The following SLIT3 variants were observed in gnomAD, a reference collection of about 807,000 sequenced individuals.
SLIT3 encodes the protein slit homolog 3 protein.
In SLIT3, 68 loss-of-function variants were observed where a neutral mutation model predicts 184.0. The observed-to-expected ratio is 0.37, with a 90% CI of 0.30 to 0.45. SLIT3 has a LOEUF of 0.45. Among genes scored for constraint, SLIT3 ranks in the 20% least tolerant of loss-of-function variants. SLIT3 has a pLI of 1.00. For missense variants in SLIT3, 1,707 were observed against 2,026.0 expected, an observed-to-expected ratio of 0.84 and a Z score of 3.02; for synonymous variants, 831 against 828.6, an observed-to-expected ratio of 1.00 and a Z score of -0.05.
intron 6 of SLIT3, among the ~76,000 whole-genome samples, chr5:168,844,283 A>G (rs1013484711): frequency 6.6e-6 from 1 of 152,090 alleles, no homozygotes; most frequent in Non-Finnish European, 1.5e-5. Flanking sequence ...TGTTTCTCCC[A>G]GCAACGAATG....
chr5:169,241,343 G>T (rs1488248846), intron 3 of SLIT3, among the ~76,000 whole-genome samples: 1 of 152,148 alleles, frequency 6.6e-6, no homozygotes, highest in Non-Finnish European at 1.5e-5. Flanking sequence ...ACATGAGATG[G>T]TATATGTAAA....
intron 4 of SLIT3, among the ~76,000 whole-genome samples, chr5:169,037,089 C>G (rs1404438603): frequency 6.6e-6 from 1 of 152,026 alleles, no homozygotes; most frequent in African/African-American, 2.4e-5. Context: ...TCTCTCTCCA[C>G]TCAGCCCCCA....
intron 4 of SLIT3, among the ~76,000 whole-genome samples, chr5:169,105,326 T>C (rs1454966269): frequency 6.6e-6 from 1 of 152,234 alleles, no homozygotes. Flanking sequence ...AATGCACATA[T>C]ATGTACATGC....
At chr5:169,095,597 T>C (rs1435417310) in intron 4 of SLIT3, among the ~76,000 whole-genome samples, 1 of 152,186 alleles carries the variant, frequency 6.6e-6, no homozygotes, top group African/African-American at 2.4e-5. Context: ...CTGCCATCTC[T>C]CTCTGGAGTG....
intron 12 of SLIT3, among the ~76,000 whole-genome samples, chr5:168,785,136 T>C (rs1215341850): frequency 7.6e-6 from 1 of 131,746 alleles, no homozygotes; most frequent in Non-Finnish European, 1.7e-5. Context: ...TGCACATGCA[T>C]GCACACACAC....
At chr5:169,246,878 C>T (rs1439266763) in intron 2 of SLIT3, among the ~76,000 whole-genome samples, 1 of 141,548 alleles carries the variant, frequency 7.1e-6, no homozygotes, top group East Asian at 2.2e-4. Flanking sequence ...AAGATCGTAC[C>T]ACTGCACTAC....
intron 3 of SLIT3, among the ~76,000 whole-genome samples, chr5:169,223,651 T>C (rs1173678486): frequency 2.0e-5 from 3 of 152,354 alleles, no homozygotes; most frequent in Middle Eastern, 3.4e-3. Context: ...ATACATAGCC[T>C]GTCTTTTATT....
chr5:168,949,754 C>A (rs1762593212), intron 4 of SLIT3, among the ~76,000 whole-genome samples: 1 of 152,094 alleles, frequency 6.6e-6, no homozygotes, highest in African/African-American at 2.4e-5. Context: ...CACACGCCAC[C>A]ACACCCAGCT....
At chr5:169,188,427 C>T (rs925805090) in intron 4 of SLIT3, among the ~76,000 whole-genome samples, 1 of 152,142 alleles carries the variant, frequency 6.6e-6, no homozygotes, top group Non-Finnish European at 1.5e-5. Flanking sequence ...AAATTAATAG[C>T]CCATAGGCCA....
rs149381451 is a variant in SLIT3, at chr5:168,737,897, G to T, written c.2270+10405C>A. Among the ~76,000 whole-genome samples, 701 of 152,320 alleles carry T rather than the reference G, an allele frequency of 4.6e-3. 5 individuals are homozygous for T. Among genetic ancestry groups the T allele is most frequent in the African/African-American group, 0.016 (663 of 41,558 alleles). ...AAAGGACAGTTGCATGGCAATAATT[G>T]TACTTTCTGAAGGCAGTGAGGCCCT... On this transcript the variant is annotated intron_variant, in intron 20 of 35. Coordinates refer to ENST00000519560, the MANE Select transcript of SLIT3 (RefSeq NM_003062.4).
intron 6 of SLIT3, among the ~76,000 whole-genome samples, chr5:168,844,207 G>A (rs1011636949): frequency 2.0e-5 from 3 of 152,086 alleles, no homozygotes; most frequent in Admixed American, 2.0e-4. Flanking sequence ...CTCCCAGTGT[G>A]CCCGCACTCA....
chr5:168,927,897 A>G (rs1051487073), intron 4 of SLIT3, among the ~76,000 whole-genome samples: 1 of 152,220 alleles, frequency 6.6e-6, no homozygotes, highest in Admixed American at 6.5e-5. Flanking sequence ...AGCCAGTTCA[A>G]ATGTCATTTC....
chr5:168,674,465 A>AATGTTTTG lies in SLIT3; in HGVS notation c.3687-1142_3687-1135dup, dbSNP rs1227986515. On this transcript the variant is annotated intron_variant, in intron 32 of 35. Coordinates refer to ENST00000519560, the MANE Select transcript of SLIT3 (RefSeq NM_003062.4). Reference sequence around the variant, plus strand: ...CAAGTATTCAACACTTTGGGTCCCAAATGTTTTGGTTATGGGATATTCACT... The same window carrying AATGTTTTG: ...CAAGTATTCAACACTTTGGGTCCCAAATGTTTTGATGTTTTGGTTATGGGATATTCACT... Among the ~76,000 whole-genome samples the AATGTTTTG allele has an allele frequency of 4.0e-5, 6 of 151,376 alleles. No homozygotes were observed. In the East Asian group the frequency reaches 1.2e-3, roughly 29 times the overall value.
At position 168,671,456 on chromosome 5, in the gene SLIT3, G is replaced by A. The variant is rs752054931; in HGVS notation, c.3869C>T (p.Ala1290Val). ...AGGCCGGTCCGTGCCCTGGCGCAAG[G>A]CAGAGAGGCCGGTGGAGGTGGGGAT... ...GGIPTSTGLSALRQGTDRPLG... is the reference protein window; with the variant it reads ...GGIPTSTGLSVLRQGTDRPLG... Residue 1290 changes from alanine to valine, a missense_variant, in exon 34 of 36, where the codon GCC becomes GTC. Around this residue, in one of 3 missense-constraint regions of SLIT3, gnomAD observed 387 missense variants for 477.9 expected, o/e 0.81. Coordinates refer to ENST00000519560, the MANE Select transcript of SLIT3 (RefSeq NM_003062.4). The A allele has an allele frequency of 6.2e-7, 1 of 1,612,838 alleles. No homozygotes were observed. The highest frequency in any genetic ancestry group is 8.5e-7 in the Non-Finnish European group (1 of 1,179,668).
intron 4 of SLIT3, among the ~76,000 whole-genome samples, chr5:169,040,865 G>T (rs185107903): frequency 9.9e-5 from 15 of 152,224 alleles, no homozygotes; most frequent in Admixed American, 3.9e-4. Flanking sequence ...CATAAACAGC[G>T]GCAATCTTTC....
At chr5:168,828,298 G>A (rs1012195432) in intron 6 of SLIT3, among the ~76,000 whole-genome samples, 2 of 152,028 alleles carry the variant, frequency 1.3e-5, no homozygotes, top group Admixed American at 6.6e-5. Flanking sequence ...AATCCACCTT[G>A]GGTTGTGCAT....
intron 1 of SLIT3, among the ~76,000 whole-genome samples, chr5:169,261,782 T>C (rs1396644355): frequency 6.6e-6 from 1 of 152,192 alleles, no homozygotes; most frequent in African/African-American, 2.4e-5. Context: ...GACCTGCTTC[T>C]AACCCATGCA....
intron 4 of SLIT3, among the ~76,000 whole-genome samples, chr5:169,057,124 G>A (rs189380730): frequency 1.3e-5 from 2 of 152,318 alleles, no homozygotes; most frequent in Non-Finnish European, 2.9e-5. Flanking sequence ...ATTGAGGTTT[G>A]ATATTCCAAG....
intron 12 of SLIT3, among the ~76,000 whole-genome samples, chr5:168,780,853 A>G (rs1201317544): frequency 6.6e-6 from 1 of 152,190 alleles, no homozygotes; most frequent in Non-Finnish European, 1.5e-5. Flanking sequence ...ACCTTCAGCA[A>G]CCTACTGAGG....
Sources: gnomAD v4.1 joint callset for allele counts (sites outside exome capture counted in the v4.1 genomes callset) on GRCh38, gnomAD v4.1.1 for gene constraint, gnomAD v4.1.1 regional missense constraint, MANE v1.5 for transcripts, NCBI Gene and HGNC (gene_info 2026-07-23, HGNC 2026-07-21) for gene names.